The following IFT172 variants were observed in gnomAD, a reference collection of about 807,000 sequenced individuals.
The protein encoded by IFT172 is intraflagellar transport protein 172 homolog.
In IFT172, 164 loss-of-function variants were observed where a neutral mutation model predicts 248.9. The observed-to-expected ratio is 0.66, with a 90% CI of 0.58 to 0.75. IFT172 has a LOEUF of 0.75. Among genes scored for constraint, IFT172 ranks in the 30% least tolerant of loss-of-function variants. The pLI is 0.00. For synonymous variants in IFT172, 729 were observed against 791.6 expected, an observed-to-expected ratio of 0.92 and a Z score of 1.33; for missense variants, 1,950 against 2,192.4, an observed-to-expected ratio of 0.89 and a Z score of 2.21.
intron 42 of IFT172, 77 bp from the exon 43 acceptor site, chr2:27,446,432 C>A: frequency 8.0e-7 from 1 of 1,248,788 alleles, no homozygotes; most frequent in Non-Finnish European, 1.2e-6. Context: ...TGTAAGGCAG[C>A]CACAGAACTA....
chr2:27,480,193 TAA>T, intron 8 of IFT172, 44 bp from the exon 9 acceptor site: 1 of 1,585,142 alleles, frequency 6.3e-7, no homozygotes, highest in East Asian at 2.2e-5. Context: ...GAGGCTGAGC[TAA>T]AGAGTGCAAA....
intron 16 of IFT172, among the ~76,000 whole-genome samples, chr2:27,470,012 A>T (rs970661516): frequency 5.3e-5 from 8 of 152,174 alleles, no homozygotes; most frequent in Non-Finnish European, 1.5e-5. Context: ...CTTTCAAGGT[A>T]ACCTCTACAG....
At chr2:27,447,767 G>T (rs1665280236) in intron 41 of IFT172, 45 bp downstream of exon 41, 2 of 1,594,860 alleles carry the variant, frequency 1.3e-6, no homozygotes, top group African/African-American at 1.3e-5. Context: ...CATCAAAGAA[G>T]AGATGAGGAC....
At chr2:27,466,925 A>T (rs1364217580) in intron 16 of IFT172, among the ~76,000 whole-genome samples, 2 of 152,054 alleles carry the variant, frequency 1.3e-5, no homozygotes, top group Admixed American at 6.6e-5. Flanking sequence ...CTGAGGTGAG[A>T]GATCACTTGA....
chr2:27,461,152 C>T lies in IFT172; in HGVS notation c.2443-59G>A, dbSNP rs1333174224. On this transcript the variant is annotated intron_variant, in intron 22 of 47. Transcript: ENST00000260570. ...TACAACACAAAGAACTAAGTATTAG[C>T]TCCGAAAACAAGGGAACACCAGCAG... The T allele has an allele frequency of 5.0e-6, 8 of 1,613,598 alleles. No homozygotes were observed. In the South Asian group the frequency reaches 6.6e-5, roughly 13 times the overall value.
chr2:27,478,174 G>A lies in IFT172; in HGVS notation c.1006-18C>T. 6.2e-7 allele frequency: 1 copy of A among 1,613,936 alleles called. No homozygotes were observed. The highest frequency in any genetic ancestry group is 8.5e-7 in the Non-Finnish European group (1 of 1,179,882). On this transcript the variant is annotated intron_variant, in intron 10 of 47. Coordinates refer to ENST00000260570, the MANE Select transcript of IFT172 (RefSeq NM_015662.3). ...ACAATCACCTTGGTAAAGGACAAGT[G>A]TGAGCCCCTTAGGCTTCCCCAGCCC...
At position 27,481,182 on chromosome 2, in the gene IFT172, G is replaced by A. The variant is rs773661262; in HGVS notation, c.649C>T (p.Arg217Trp). 2.8e-5 allele frequency: 45 copies of A among 1,612,954 alleles called. No individual in the cohort carries two copies. The highest frequency in any genetic ancestry group is 8.9e-5 in the East Asian group (4 of 44,888). The change falls in exon 8 of 48, where the codon CGG (arginine) becomes TGG (tryptophan). Residue 217 changes from arginine (R) to tryptophan (W), a missense_variant. This residue lies in a region of IFT172 where 1,166 missense variants were observed against 1,254.1 expected (regional missense o/e 0.93). Coordinates refer to ENST00000260570, the MANE Select transcript of IFT172 (RefSeq NM_015662.3). Reference sequence around the variant, plus strand: ...TCTTTTCCATAGGCTACAATTTTCCGATCACAGCCTGCAGCCACGATGCTA... The same window carrying A: ...TCTTTTCCATAGGCTACAATTTTCCAATCACAGCCTGCAGCCACGATGCTA... ...TNSIVAAGCD[R>W]KIVAYGKEGH... is the part of the protein sequence containing the mutation.
At position 27,483,940 on chromosome 2, in the gene IFT172, G is replaced by A; in HGVS notation, c.337-3C>T. On this transcript the variant is annotated splice_polypyrimidine_tract_variant and splice_region_variant and intron_variant, in intron 4 of 47. Transcript: ENST00000260570. ...CATTGCAGACAAGTGACAGCACTCT[G>A]CGTGGAAGGAAACAATGAAAAGGAT... The A allele has an allele frequency of 1.2e-6, 2 of 1,613,336 alleles. No individual in the cohort carries two copies. Among genetic ancestry groups the A allele is most frequent in the Non-Finnish European group, 1.7e-6 (2 of 1,179,328 alleles).
At chr2:27,459,906 A>G (rs1360402868) in intron 23 of IFT172, 77 bp from the exon 24 acceptor site, 1 of 1,576,874 alleles carries the variant, frequency 6.3e-7, no homozygotes, top group Non-Finnish European at 8.6e-7. Flanking sequence ...AGGGAGATGA[A>G]GCATGGAGAA....
At chr2:27,487,949 G>A (rs149464974) in intron 1 of IFT172, among the ~76,000 whole-genome samples, 2 of 151,228 alleles carry the variant, frequency 1.3e-5, no homozygotes, top group East Asian at 2.0e-4. Context: ...TCTTTATTAA[G>A]GTACCCCAGT....
chr2:27,483,963 G>A (rs1668568216), intron 4 of IFT172, 26 bp from the exon 5 acceptor site: 1 of 1,605,844 alleles, frequency 6.2e-7, no homozygotes, highest in Non-Finnish European at 8.5e-7. Flanking sequence ...CAATGAAAAG[G>A]ATAACCCCAT....
chr2:27,453,773 G>A (rs866334408), intron 33 of IFT172, 34 bp from the exon 34 acceptor site: 2 of 1,588,574 alleles, frequency 1.3e-6, no homozygotes, highest in Middle Eastern at 1.7e-4. Flanking sequence ...GAGGGCAGAG[G>A]CAGGCCTGAC....
chr2:27,481,458 C>CAA (rs2148551235), intron 7 of IFT172, among the ~76,000 whole-genome samples, 198 bp from the exon 8 acceptor site: 1 of 151,784 alleles, frequency 6.6e-6, no homozygotes, highest in South Asian at 2.1e-4. Context: ...CACACATACA[C>CAA]ACACACACAC....
chr2:27,458,967 T>A, intron 25 of IFT172, 99 bp from the exon 26 acceptor site: 1 of 1,191,688 alleles, frequency 8.4e-7, no homozygotes, highest in Non-Finnish European at 1.2e-6. Context: ...GTGGAGAGCC[T>A]GCGATACAAC....
chr2:27,479,812 A>T (rs1207361935), intron 9 of IFT172, among the ~76,000 whole-genome samples: 3 of 152,298 alleles, frequency 2.0e-5, no homozygotes, highest in South Asian at 4.1e-4. Flanking sequence ...AAAGGGAAAA[A>T]CTAGCCCTGC....
At position 27,481,129 on chromosome 2, in the gene IFT172, A is replaced by G. The variant is rs1668326909; in HGVS notation, c.702T>C (p.Tyr234=). 2 of 1,613,910 alleles carry G rather than the reference A, an allele frequency of 1.2e-6. No homozygotes were observed. Among genetic ancestry groups the G allele is most frequent in the African/African-American group, 2.7e-5 (2 of 74,900 alleles). ...KEGHMLQTFD[Y]SRDPQEREFT... ...ACTCCCGCTCCTGAGGGTCACGGCT[A>G]TAATCAAAAGTTTGTAGCATGTGAC... The change falls in exon 8 of 48, where the codon TAT becomes TAC. Residue 234 remains tyrosine, a synonymous_variant. Transcript: ENST00000260570.
At chr2:27,459,869 G>C in intron 23 of IFT172, 40 bp from the exon 24 acceptor site, 1 of 1,603,576 alleles carries the variant, frequency 6.2e-7, no homozygotes, top group South Asian at 1.1e-5. Flanking sequence ...AGATTTCCAG[G>C]GATGGGCCTC....
chr2:27,446,684 T>A (rs1385364837), intron 42 of IFT172, among the ~76,000 whole-genome samples: 1 of 114,898 alleles, frequency 8.7e-6, no homozygotes, highest in Non-Finnish European at 1.7e-5. Flanking sequence ...TGGCTAATTT[T>A]TTTTTTTTTT....
intron 16 of IFT172, among the ~76,000 whole-genome samples, chr2:27,467,449 A>G (rs1668717979): frequency 8.3e-6 from 1 of 120,580 alleles, no homozygotes; most frequent in African/African-American, 3.6e-5. Flanking sequence ...AAAAAAAAAA[A>G]GCAGGGCATG....
Sources: allele counts gnomAD v4.1 joint callset (sites outside exome capture counted in the v4.1 genomes callset), GRCh38; gene constraint gnomAD v4.1.1; regional missense constraint gnomAD v4.1.1; transcripts MANE v1.5; gene names NCBI Gene and HGNC (gene_info 2026-07-23, HGNC 2026-07-21).